The following SLC12A5 variants were observed in gnomAD, a reference collection of about 807,000 sequenced individuals.
SLC12A5 encodes the protein K-Cl cotransporter 2.
Under a neutral mutation model 124.0 loss-of-function variants are expected in SLC12A5, and 18 were observed. The observed-to-expected ratio is 0.15, with a 90% CI of 0.10 to 0.22. SLC12A5 has a LOEUF of 0.22. SLC12A5 is among the 10% of genes least tolerant of loss of function. The pLI, the probability that SLC12A5 is intolerant of heterozygous loss-of-function variation, is 1.00. For missense variants in SLC12A5, 867 were observed against 1,478.7 expected, an observed-to-expected ratio of 0.59 and a Z score of 6.78; for synonymous variants, 589 against 568.0, an observed-to-expected ratio of 1.04 and a Z score of -0.53.
Position 46,053,176 on chromosome 20 carries a change from A to T in SLC12A5, c.2547+50A>T. On this transcript the variant is annotated intron_variant, in intron 19 of 25. Transcript: ENST00000243964. The surrounding 1 kb of genome is among the most constrained non-coding windows in gnomAD (Gnocchi z 4.7). ...CACGTGTGAGTGTGTGTATGCATGT[A>T]TGCATTTGTGTGCATATGTGCACAA... The T allele has an allele frequency of 6.4e-7, 1 of 1,569,574 alleles. No individual in the cohort carries two copies. Among genetic ancestry groups the T allele is most frequent in the Non-Finnish European group, 8.7e-7 (1 of 1,147,444 alleles).
chr20:46,054,793 C>T lies in SLC12A5; in HGVS notation c.2680-123C>T, dbSNP rs2084675344. ...AAATTAATGATTGGGTAGGGAAGCC[C>T]TAGGCTGCCAGAAGGACGGGGGCCT... On this transcript the variant is annotated intron_variant, in intron 20 of 25. Transcript: ENST00000243964. 3 of 672,770 alleles carry T rather than the reference C, an allele frequency of 4.5e-6. No homozygotes were observed. The South Asian group carries it at 5.4e-5, about 12-fold the overall frequency. The allele number at this position is 672,770 out of a possible 1,614,324, so 41.7% of individuals were successfully genotyped here. A position where few individuals can be genotyped will look rare whatever the true frequency, so the allele number is the denominator to read the frequency against.
intron 1 of SLC12A5, among the ~76,000 whole-genome samples, chr20:46,029,732 G>A (rs6094240): frequency 6.6e-6 from 1 of 152,116 alleles, no homozygotes; most frequent in Non-Finnish European, 1.5e-5. Context: ...GCGGGAGGAG[G>A]GCTCCTTTCC....
At chr20:46,043,354 G>C in intron 9 of SLC12A5, 31 bp downstream of exon 9, 1 of 1,603,838 alleles carries the variant, frequency 6.2e-7, no homozygotes, top group Non-Finnish European at 8.5e-7. Flanking sequence ...GGAAGACTCT[G>C]CCTGTGAGTG....
chr20:46,055,056 C>T, intron 21 of SLC12A5, 33 bp downstream of exon 21: 1 of 1,531,062 alleles, frequency 6.5e-7, no homozygotes, highest in Non-Finnish European at 9.0e-7. Context: ...CTGAGAGCCT[C>T]AAACTGCTGC....
chr20:46,049,566 T>C lies in SLC12A5; in HGVS notation c.2013-56T>C. ...AGATGACCTGGTGGTGGGTGTATGG[T>C]GTGTGGATGGTTGGTTACATGGTAT... On this transcript the variant is annotated intron_variant, in intron 16 of 25. Coordinates refer to ENST00000243964, the MANE Select transcript of SLC12A5 (RefSeq NM_020708.5). 2.6e-6 allele frequency: 4 copies of C among 1,554,816 alleles called. No homozygotes were observed. The South Asian group carries it at 3.6e-5, about 14-fold the overall frequency.
rs1434791362 is a variant in SLC12A5 at position 46,045,120 on chromosome 20, G to A, written c.1549G>A (p.Gly517Ser). Residue 517 changes from glycine (G) to serine (S), a missense_variant, in exon 12 of 26, where the codon GGC becomes AGC. Gly to Ser is a moderately conservative substitution (Grantham distance 56). Transcript: ENST00000243964. The surrounding 1 kb of genome is among the most constrained non-coding windows in gnomAD (Gnocchi z 4.9). ...CCTGCTGCAGGCCATCTCGAGGGAT[G>A]GCATTGTGCCCTTCCTGCAGGTCAG... is the stretch of plus-strand genomic sequence containing the variant. ...PRLLQAISRD[G>S]IVPFLQVFGH... The A allele has an allele frequency of 6.3e-7, 1 of 1,595,052 alleles. No homozygotes were observed.
chr20:46,045,098 G>A lies in SLC12A5; in HGVS notation c.1527G>A (p.Leu509=). The A allele has an allele frequency of 1.9e-6, 3 of 1,608,596 alleles. No homozygotes were observed. Among genetic ancestry groups the A allele is most frequent in the Non-Finnish European group, 2.5e-6 (3 of 1,177,242 alleles). ...AGAGCCTCACGGGGGCCCCACGCCT[G>A]CTGCAGGCCATCTCGAGGGATGGCA... ...GLQSLTGAPR[L]LQAISRDGIV... The change falls in exon 12 of 26, where the codon CTG becomes CTA. Residue 509 remains leucine (L), a synonymous_variant. Coordinates refer to ENST00000243964, the MANE Select transcript of SLC12A5 (RefSeq NM_020708.5). The surrounding 1 kb of genome is among the most constrained non-coding windows in gnomAD (Gnocchi z 4.9).
At chr20:46,051,916 G>T in intron 18 of SLC12A5, 46 bp downstream of exon 18, 1 of 1,340,866 alleles carries the variant, frequency 7.5e-7, no homozygotes. Flanking sequence ...GGGGCTGGGG[G>T]CTGTAGAGGG....
chr20:46,035,647 AAAG>A (rs770665878), intron 3 of SLC12A5, 112 bp downstream of exon 3: 1 of 1,506,276 alleles, frequency 6.6e-7, no homozygotes, highest in Non-Finnish European at 8.9e-7. Flanking sequence ...TACAAATCAG[AAAG>A]AAGAGGGATG....
At chr20:46,049,819 A>G (rs2084632459) in intron 17 of SLC12A5, 29 bp downstream of exon 17, 17 of 1,555,678 alleles carry the variant, frequency 1.1e-5, no homozygotes, top group Non-Finnish European at 1.3e-5. Flanking sequence ...TGGGCTTGGG[A>G]AAAGGTCAGG....
chr20:46,022,921 G>A lies in SLC12A5; in HGVS notation c.49-9G>A, dbSNP rs540943575. ...GGGTCTGGAAGGAACAAGGCGAATC[G>A]GCTTGTAGTGGCCCCAGCGAGGGGA... On this transcript the variant is annotated splice_polypyrimidine_tract_variant and intron_variant, in intron 1 of 2. Coordinates refer to the SLC12A5 transcript ENST00000413737. The A allele has an allele frequency of 8.6e-4, 330 of 383,674 alleles. 2 individuals are homozygous for A. The highest frequency in any genetic ancestry group is 6.4e-3 in the African/African-American group (303 of 47,096). The allele number at this position is 383,674 out of a possible 1,614,324, so 23.8% of individuals were successfully genotyped here. A position where few individuals can be genotyped will look rare whatever the true frequency, so the allele number is the denominator to read the frequency against.
intron 4 of SLC12A5, chr20:46,036,422 T>A: frequency 6.4e-6 from 2 of 310,214 alleles, no homozygotes; most frequent in Non-Finnish European, 6.3e-6. Flanking sequence ...GTTACTCCTA[T>A]TCTATAGATG....
rs776507788 is a variant in SLC12A5 at position 46,051,864 on chromosome 20, T to C, written c.2371T>C (p.Phe791Leu). The C allele has an allele frequency of 2.0e-5, 32 of 1,562,970 alleles. No homozygotes were observed. Among genetic ancestry groups the C allele is most frequent in the Non-Finnish European group, 2.8e-5 (32 of 1,159,718 alleles). ...QKEDHQTWRNFIELVRETTAG... is the reference protein window; with the variant it reads ...QKEDHQTWRNLIELVRETTAG... ...GGAAGATCATCAGACGTGGAGGAAC[T>C]TCATTGGTAACGCTATTGGGGGCTG... Residue 791 changes from phenylalanine (F) to leucine (L), a missense_variant, in exon 18 of 26, where the codon TTC (phenylalanine) becomes CTC (leucine). Phe to Leu is a conservative substitution (Grantham distance 22). Around this residue, in one of 9 missense-constraint regions of SLC12A5, gnomAD observed 110 missense variants for 149.9 expected, o/e 0.73. Coordinates refer to ENST00000243964, the MANE Select transcript of SLC12A5 (RefSeq NM_020708.5).
At chr20:46,037,219 C>T (rs2084506333) in intron 5 of SLC12A5, 36 bp from the exon 6 acceptor site, 1 of 1,566,928 alleles carries the variant, frequency 6.4e-7, no homozygotes, top group Non-Finnish European at 8.7e-7. Context: ...GCCCAGTGCC[C>T]CCGACCCTCT....
At chr20:46,049,871 C>A (rs73112831) in intron 17 of SLC12A5, 81 bp downstream of exon 17, 56,921 of 1,422,716 alleles carry the variant, frequency 0.04, 1,308 homozygotes, top group Middle Eastern at 0.077. Flanking sequence ...ACTTTCCTTC[C>A]TCATCACCTT....
rs564134718 is a variant in SLC12A5 at position 46,044,973 on chromosome 20, G to A, written c.1402G>A (p.Glu468Lys). 3.1e-6 allele frequency: 5 copies of A among 1,614,200 alleles called. No homozygotes were observed. Among genetic ancestry groups the A allele is most frequent in the Admixed American group, 1.7e-5 (1 of 60,032 alleles). The change falls in exon 12 of 26, where the codon GAA becomes AAA. Residue 468 changes from glutamate (E) to lysine (K), a missense_variant. By Grantham distance (56) the Glu-to-Lys change is moderately conservative (BLOSUM62 1). This residue lies in a region of SLC12A5 where 152 missense variants were observed against 358.7 expected (regional missense o/e 0.42). Transcript: ENST00000243964. ...CTGTCCACATCATTCCAGGTTTGGCGAAGCTGTGAATGGCAACCTCGTGGT... is the reference window on the plus strand; with the variant it reads ...CTGTCCACATCATTCCAGGTTTGGCAAAGCTGTGAATGGCAACCTCGTGGT... ...EGVVLRDKFG[E>K]AVNGNLVVGT...
At chr20:46,049,533 A>C (rs2084629155) in intron 16 of SLC12A5, 89 bp from the exon 17 acceptor site, 1 of 1,479,874 alleles carries the variant, frequency 6.8e-7, no homozygotes, top group African/African-American at 1.4e-5. Flanking sequence ...TATAGAGGAG[A>C]GATGGCTAGA....
Position 46,053,037 on chromosome 20 carries a change from C to G in SLC12A5, c.2458C>G (p.Arg820Gly), listed in dbSNP as rs755903894. Reference sequence around the variant, plus strand: ...TTCCATGTTTCCTGGGAACCCTGAGCGCTTCTCTGAGGGCAGCATCGACGT... The same window carrying G: ...TTCCATGTTTCCTGGGAACCCTGAGGGCTTCTCTGAGGGCAGCATCGACGT... ...NVSMFPGNPE[R>G]FSEGSIDVWW... The change falls in exon 19 of 26, where the codon CGC becomes GGC. Residue 820 changes from arginine (R) to glycine (G), a missense_variant. By Grantham distance (125) the Arg-to-Gly change is moderately radical (BLOSUM62 -2). Transcript: ENST00000243964. This position sits in a 1 kb window ranked among gnomAD's most constrained non-coding sequence, Gnocchi z 4.7. 6.2e-7 allele frequency: 1 copy of G among 1,614,164 alleles called. No individual in the cohort carries two copies. The highest frequency in any genetic ancestry group is 8.5e-7 in the Non-Finnish European group (1 of 1,180,008).
At chr20:46,047,674 T>C in intron 15 of SLC12A5, 101 bp downstream of exon 15, 1 of 1,447,882 alleles carries the variant, frequency 6.9e-7, no homozygotes, top group East Asian at 2.3e-5. Flanking sequence ...GGGGGTGAGA[T>C]GAAGCAGGGA....
Sources: allele counts gnomAD v4.1 joint callset (sites outside exome capture counted in the v4.1 genomes callset), GRCh38; gene constraint gnomAD v4.1.1; regional missense constraint gnomAD v4.1.1; non-coding constraint Gnocchi (gnomAD v3.1); transcripts MANE v1.5; gene names NCBI Gene and HGNC (gene_info 2026-07-23, HGNC 2026-07-21).